The following TSHZ3 variants were observed in gnomAD, a reference collection of about 807,000 sequenced individuals.
TSHZ3 encodes the protein teashirt zinc finger homeobox 3, also known as teashirt homolog 3.
In TSHZ3, 10 loss-of-function variants were observed where a neutral mutation model predicts 64.5. The observed-to-expected ratio is 0.16, with a 90% CI of 0.10 to 0.26. TSHZ3 has a LOEUF of 0.26. Ranked by LOEUF, TSHZ3 falls within the 10% of genes least tolerant of loss-of-function variation. The pLI is 1.00. For synonymous variants in TSHZ3, 608 were observed against 593.1 expected (o/e 1.03, Z -0.36); for missense variants, 1,242 against 1,421.7 (o/e 0.87, Z 2.03).
At chr19:31,321,368 T>G (rs1447313770) in intron 1 of TSHZ3, among the ~76,000 whole-genome samples, 1 of 152,228 alleles carries the variant, frequency 6.6e-6, no homozygotes, top group Non-Finnish European at 1.5e-5. Context: ...ACAGTGCCCC[T>G]AGGACATGCC....
At chr19:31,248,238 T>A (rs1401913089) in intron 1 of TSHZ3, among the ~76,000 whole-genome samples, 1 of 152,140 alleles carries the variant, frequency 6.6e-6, no homozygotes, top group Non-Finnish European at 1.5e-5. Context: ...AGCCAAGTCA[T>A]ATCAGTGTGA....
intron 1 of TSHZ3, among the ~76,000 whole-genome samples, chr19:31,324,907 T>C (rs183867175): frequency 2.6e-4 from 40 of 152,324 alleles, no homozygotes; most frequent in Non-Finnish European, 3.7e-4. Flanking sequence ...AAGGAACAGT[T>C]AGAAAAATGC....
intron 1 of TSHZ3, among the ~76,000 whole-genome samples, chr19:31,327,254 G>C (rs1274740799): frequency 6.6e-6 from 1 of 152,234 alleles, no homozygotes; most frequent in African/African-American, 2.4e-5. Flanking sequence ...CGAGGTTCTA[G>C]ACTTTGAGCC....
chr19:31,273,761 G>A (rs1466470072), downstream of TSHZ3, among the ~76,000 whole-genome samples: 2 of 152,210 alleles, frequency 1.3e-5, no homozygotes, highest in African/African-American at 4.8e-5. Flanking sequence ...GCTCCTCCCA[G>A]GTAAAGGTCA....
At chr19:31,199,540 T>A (rs376560517) in intron 5 of TSHZ3, among the ~76,000 whole-genome samples, 1 of 146,252 alleles carries the variant, frequency 6.8e-6, no homozygotes, top group African/African-American at 2.5e-5. Flanking sequence ...GACCAAAAAA[T>A]AAAATAAAAT....
At chr19:31,306,937 A>G (rs1489866721) in intron 1 of TSHZ3, among the ~76,000 whole-genome samples, 1 of 152,344 alleles carries the variant, frequency 6.6e-6, no homozygotes, top group East Asian at 1.9e-4. Context: ...CCCCTGGGAC[A>G]TGAAGATTTA....
At chr19:31,151,715 C>T (rs1974241539) in exon 7 of TSHZ3, among the ~76,000 whole-genome samples, 3 of 152,272 alleles carry the variant, frequency 2.0e-5, no homozygotes, top group African/African-American at 4.8e-5. Context: ...GAATCAGTTT[C>T]GTCCCTGATG....
intron 1 of TSHZ3, among the ~76,000 whole-genome samples, chr19:31,330,315 G>A (rs930414324): frequency 1.3e-5 from 2 of 152,236 alleles, no homozygotes; most frequent in Middle Eastern, 3.4e-3. Flanking sequence ...AACATCTAAC[G>A]CCTAGCAGGG....
chr19:31,150,161 T>C (rs1437129088), exon 7 of TSHZ3, among the ~76,000 whole-genome samples: 3 of 152,284 alleles, frequency 2.0e-5, no homozygotes, highest in Non-Finnish European at 2.9e-5. Context: ...TTTGTGACCC[T>C]GGCCCTCAGC....
At chr19:31,226,395 G>C (rs1372028973) in intron 4 of TSHZ3, among the ~76,000 whole-genome samples, 1 of 152,118 alleles carries the variant, frequency 6.6e-6, no homozygotes, top group South Asian at 2.1e-4. Flanking sequence ...CACAAGATCT[G>C]ATTGTTTCAT....
At chr19:31,340,618 G>A (rs1325130804) in intron 1 of TSHZ3, among the ~76,000 whole-genome samples, 3 of 152,316 alleles carry the variant, frequency 2.0e-5, no homozygotes, top group Middle Eastern at 3.4e-3. Flanking sequence ...AACTTGAGAA[G>A]GATGTCAGTG....
chr19:31,241,984 G>C (rs1975697065), intron 3 of TSHZ3, among the ~76,000 whole-genome samples: 1 of 152,202 alleles, frequency 6.6e-6, no homozygotes, highest in South Asian at 2.1e-4. Flanking sequence ...ATCTTCACTT[G>C]ATGCCTAGTA....
At chr19:31,318,154 T>C (rs1916658256) in intron 1 of TSHZ3, among the ~76,000 whole-genome samples, 1 of 152,244 alleles carries the variant, frequency 6.6e-6, no homozygotes, top group Admixed American at 6.5e-5. Context: ...AAAACTGTTA[T>C]TGAAAAGGCT....
chr19:31,151,690 T>G (rs1450063043), exon 7 of TSHZ3, among the ~76,000 whole-genome samples: 1 of 152,192 alleles, frequency 6.6e-6, no homozygotes, highest in Non-Finnish European at 1.5e-5. Context: ...AGGGAGAGTC[T>G]GTCTCGATGC....
At chr19:31,166,361 T>TAAA (rs775793096) in intron 5 of TSHZ3, among the ~76,000 whole-genome samples, 105 of 152,334 alleles carry the variant, frequency 6.9e-4, no homozygotes, top group Non-Finnish European at 1.3e-3. Context: ...AGTGTGGTTT[T>TAAA]GTTCCATGTG....
rs117630217 is a variant in TSHZ3 at position 31,209,008 on chromosome 19, G to A, written n.687-3930C>T. On this transcript the variant is annotated intron_variant and non_coding_transcript_variant, in intron 4 of 6. Transcript: ENST00000651361. Reference sequence around the variant, plus strand: ...CAGTCAGGATCCCGATGTCTGAGGTGTGTGATGAGCAGAAGGCCATGATTG... The same window carrying A: ...CAGTCAGGATCCCGATGTCTGAGGTATGTGATGAGCAGAAGGCCATGATTG... Among the ~76,000 whole-genome samples the A allele has an allele frequency of 2.3e-4, 35 of 152,258 alleles. 2 individuals carry two copies. The East Asian group carries it at 6.8e-3, about 29-fold the overall frequency.
At chr19:31,213,388 A>AAAAAAAC (rs1975286547) in intron 4 of TSHZ3, among the ~76,000 whole-genome samples, 2 of 146,828 alleles carry the variant, frequency 1.4e-5, no homozygotes, top group East Asian at 1.9e-4. Flanking sequence ...AAAAAAAAAA[A>AAAAAAAC]AAATCAGTGG....
At chr19:31,194,616 C>T (rs2145142625) in intron 5 of TSHZ3, among the ~76,000 whole-genome samples, 1 of 152,274 alleles carries the variant, frequency 6.6e-6, no homozygotes, top group East Asian at 1.9e-4. Context: ...CTTACTACCA[C>T]TTTACTAAAG....
rs773474666 is a variant in TSHZ3, at chr19:31,283,606, G to A, written c.41-3854C>T. ...CTCTATTTCCTTCTTTGAATGATAC[G>A]GGGCACTTGGGTAATATTTGTAACG... On this transcript the variant is annotated intron_variant, in intron 1 of 1. Transcript: ENST00000240587. Among the ~76,000 whole-genome samples, 5 of 152,142 alleles carry A rather than the reference G, an allele frequency of 3.3e-5. No individual in the cohort carries two copies. In the East Asian group the frequency reaches 5.8e-4, roughly 18 times the overall value.
Sources: allele counts gnomAD v4.1 joint callset (sites outside exome capture counted in the v4.1 genomes callset), GRCh38; gene constraint gnomAD v4.1.1; transcripts MANE v1.5; gene names NCBI Gene and HGNC (gene_info 2026-07-23, HGNC 2026-07-21).